Variants in AGAP1 observed in about 807,000 individuals in gnomAD.
AGAP1 encodes the protein ArfGAP with GTPase domain, ankyrin repeat and PH domain 1.
A neutral mutation model predicts 105.3 loss-of-function variants in AGAP1; 29 were observed. The observed-to-expected ratio is 0.28, with a 90% confidence interval of 0.21 to 0.38. The LOEUF (loss-of-function observed/expected upper bound fraction) is 0.38, where lower values mean the gene tolerates loss of function less well. AGAP1 is among the 10% of genes least tolerant of loss of function. AGAP1 has a pLI of 1.00. For missense variants in AGAP1, 998 were observed against 1,165.1 expected, an observed-to-expected ratio of 0.86 and a Z score of 2.09; for synonymous variants, 509 against 485.9, an observed-to-expected ratio of 1.05 and a Z score of -0.63.
intron 1 of AGAP1, among the ~76,000 whole-genome samples, chr2:235,558,077 C>T (rs1359358268): frequency 6.6e-6 from 1 of 152,102 alleles, no homozygotes; most frequent in African/African-American, 2.4e-5. Flanking sequence ...TGTGGAGAAG[C>T]GGGATGGCGA....
At chr2:235,562,018 A>G (rs950057364) in intron 1 of AGAP1, among the ~76,000 whole-genome samples, 14 of 152,198 alleles carry the variant, frequency 9.2e-5, no homozygotes, top group Admixed American at 3.3e-4. Flanking sequence ...AATAGCAAAA[A>G]CACACATCTT....
chr2:235,799,103 T>C lies in AGAP1; in HGVS notation c.802-264T>C, dbSNP rs1283905552. 6.6e-6 allele frequency among the ~76,000 whole-genome samples: 1 copy of C among 152,178 alleles called. No homozygotes were observed. The highest frequency in any genetic ancestry group is 2.4e-5 in the African/African-American group (1 of 41,438). ...AATCAAATTTGAACTCTCAGAAATC[T>C]TTTAAGTTAAATGAAAGAGACTTCT... is the stretch of plus-strand genomic sequence containing the variant. On this transcript the variant is annotated intron_variant, in intron 7 of 17. Coordinates refer to ENST00000304032, the MANE Select transcript of AGAP1 (RefSeq NM_001037131.3). This position sits in a 1 kb window ranked among gnomAD's most constrained non-coding sequence, Gnocchi z 5.0.
rs1358558729 is a variant in AGAP1, at chr2:236,083,502, C to T, written c.2114+34221C>T. ...TGATTCTTCTATTATTTTGAAGAGC[C>T]TGTTTATTTTCCAGCAGTTACCAGC... On this transcript the variant is annotated intron_variant, in intron 16 of 17. Coordinates refer to ENST00000304032, the MANE Select transcript of AGAP1 (RefSeq NM_001037131.3). This position sits in a 1 kb window ranked among gnomAD's most constrained non-coding sequence, Gnocchi z 5.3. Among the ~76,000 whole-genome samples, 1 of 152,118 alleles carries T rather than the reference C, an allele frequency of 6.6e-6. No homozygotes were observed. The highest frequency in any genetic ancestry group is 1.5e-5 in the Non-Finnish European group (1 of 68,008).
Position 235,799,061 on chromosome 2 carries a change from C to T in AGAP1, c.802-306C>T, listed in dbSNP as rs1957373519. Among the ~76,000 whole-genome samples the T allele has an allele frequency of 2.0e-5, 3 of 152,024 alleles. No homozygotes were observed. In the South Asian group the frequency reaches 6.2e-4, roughly 32 times the overall value. On this transcript the variant is annotated intron_variant, in intron 7 of 17. Transcript: ENST00000304032. The surrounding 1 kb of genome is among the most constrained non-coding windows in gnomAD (Gnocchi z 5.0). Reference sequence around the variant, plus strand: ...TAGTTTAACCAACCCCTTTCATTTTCAGAGGAAAGAGAAAATAATCAAATT... The same window carrying T: ...TAGTTTAACCAACCCCTTTCATTTTTAGAGGAAAGAGAAAATAATCAAATT...
In AGAP1 at chr2:235,838,363, G is replaced by T. The variant is rs1960412425; in HGVS notation, c.1050+31032G>T. On this transcript the variant is annotated intron_variant, in intron 9 of 17. Transcript: ENST00000304032. ...TGCCTCCAAAGTGATTTTGCTAAAAGTATGTGTATATACAGTTTCTGTAAC... is the reference window on the plus strand; with the variant it reads ...TGCCTCCAAAGTGATTTTGCTAAAATTATGTGTATATACAGTTTCTGTAAC... Among the ~76,000 whole-genome samples, 2 of 152,226 alleles carry T rather than the reference G, an allele frequency of 1.3e-5. 1 individual carries two copies. Among genetic ancestry groups the T allele is most frequent in the Non-Finnish European group, 2.9e-5 (2 of 68,044 alleles).
At chr2:235,943,775 G>T (rs916402213) in intron 12 of AGAP1, among the ~76,000 whole-genome samples, 1 of 152,228 alleles carries the variant, frequency 6.6e-6, no homozygotes, top group African/African-American at 2.4e-5. Flanking sequence ...TCGAGAGACA[G>T]CCAGAGATGG....
rs139647123 is a variant in AGAP1 at position 236,038,261 on chromosome 2, C to T, written c.1800+1546C>T. On this transcript the variant is annotated intron_variant, in intron 14 of 17. Coordinates refer to ENST00000304032, the MANE Select transcript of AGAP1 (RefSeq NM_001037131.3). This position sits in a 1 kb window ranked among gnomAD's most constrained non-coding sequence, Gnocchi z 4.5. Reference sequence around the variant, plus strand: ...GCACACAGCATCCTCCAAGCGTGGGCAGCTCATTCTGAGAAGGAAGGCAGG... The same window carrying T: ...GCACACAGCATCCTCCAAGCGTGGGTAGCTCATTCTGAGAAGGAAGGCAGG... Among the ~76,000 whole-genome samples the T allele has an allele frequency of 2.1e-3, 322 of 152,310 alleles. No individual in the cohort carries two copies. Among genetic ancestry groups the T allele is most frequent in the Non-Finnish European group, 3.1e-3 (211 of 68,028 alleles).
intron 12 of AGAP1, among the ~76,000 whole-genome samples, chr2:235,950,644 G>C (rs1260316251): frequency 2.0e-5 from 3 of 152,066 alleles, no homozygotes; most frequent in South Asian, 4.1e-4. Flanking sequence ...CCAGGATTCT[G>C]CTTCCTGCCG....
rs192640077 is a variant in AGAP1, at chr2:235,752,518, C to T, written c.673+2030C>T. Among the ~76,000 whole-genome samples the T allele has an allele frequency of 2.8e-3, 424 of 152,214 alleles. 3 individuals are homozygous for T. The highest frequency in any genetic ancestry group is 4.8e-3 in the Non-Finnish European group (326 of 68,004). On this transcript the variant is annotated intron_variant, in intron 6 of 17. Transcript: ENST00000304032. The surrounding 1 kb of genome is among the most constrained non-coding windows in gnomAD (Gnocchi z 4.3). The stretch of plus-strand genomic sequence containing the variant: ...CATGACGCAGAGCCACGCTTTGTGT[C>T]GATGGGCTGCAGCGGGTTTGGGCCC...
Position 235,794,632 on chromosome 2 carries a change from C to T in AGAP1, c.674-3127C>T, listed in dbSNP as rs1961938. 6.3e-3 allele frequency among the ~76,000 whole-genome samples: 959 copies of T among 152,250 alleles called. 12 individuals are homozygous for T. The highest frequency in any genetic ancestry group is 0.022 in the African/African-American group (897 of 41,532). On this transcript the variant is annotated intron_variant, in intron 6 of 17. Coordinates refer to ENST00000304032, the MANE Select transcript of AGAP1 (RefSeq NM_001037131.3). ...GATTACAGGCATGCGCCACCACATC[C>T]GGCTAATTTTTGTATTTTTAGTAGA...
intron 9 of AGAP1, among the ~76,000 whole-genome samples, chr2:235,871,471 C>T (rs1037963544): frequency 6.6e-5 from 10 of 152,164 alleles, no homozygotes; most frequent in Non-Finnish European, 1.0e-4. Context: ...CCTGTTCTGC[C>T]GGCCCCATTT....
At chr2:235,903,215 A>G (rs2051147714) in intron 10 of AGAP1, among the ~76,000 whole-genome samples, 1 of 152,228 alleles carries the variant, frequency 6.6e-6, no homozygotes, top group African/African-American at 2.4e-5. Flanking sequence ...GAATTGGAAC[A>G]GATTGCCACT....
chr2:236,087,595 G>GA lies in AGAP1; in HGVS notation c.2115-32595dup, dbSNP rs1192459884. On this transcript the variant is annotated intron_variant, in intron 16 of 17. Transcript: ENST00000304032. This position sits in a 1 kb window ranked among gnomAD's most constrained non-coding sequence, Gnocchi z 5.7. ...CCACCTCTGACTAGTTTGATGTTCT[G>GA]AATCAGGCCCCTTGGTTAAGCGTGA... Among the ~76,000 whole-genome samples, 2 of 152,110 alleles carry GA rather than the reference G, an allele frequency of 1.3e-5. No individual in the cohort carries two copies. Among genetic ancestry groups the GA allele is most frequent in the African/African-American group, 4.8e-5 (2 of 41,424 alleles).
intron 16 of AGAP1, among the ~76,000 whole-genome samples, chr2:236,094,239 G>A (rs1473244532): frequency 1.3e-5 from 2 of 151,252 alleles, no homozygotes; most frequent in Non-Finnish European, 2.9e-5. Flanking sequence ...AGGATTGCTC[G>A]AGCCCAGGAT....
chr2:235,794,530 G>A (rs1247100793), intron 6 of AGAP1, among the ~76,000 whole-genome samples: 4 of 152,138 alleles, frequency 2.6e-5, no homozygotes, highest in South Asian at 2.1e-4. Context: ...GGAGTGCAGT[G>A]GCATGATCTT....
In AGAP1 at chr2:235,979,973, AAG is replaced by A. The variant is rs2055021510; in HGVS notation, c.1645+11356_1645+11357del. 3.3e-5 allele frequency among the ~76,000 whole-genome samples: 5 copies of A among 152,314 alleles called. No homozygotes were observed. In the South Asian group the frequency reaches 8.3e-4, roughly 25 times the overall value. On this transcript the variant is annotated intron_variant, in intron 13 of 17. Transcript: ENST00000304032. This position sits in a 1 kb window ranked among gnomAD's most constrained non-coding sequence, Gnocchi z 4.5. The stretch of plus-strand genomic sequence containing the variant: ...TCTGCATGCAGTAAAATACAAAAAA[AAG>A]AGAGATAGAGAAAGCAGGGGAGCTT...
At chr2:235,541,404 T>C (rs1943432552) in intron 1 of AGAP1, among the ~76,000 whole-genome samples, 1 of 128,832 alleles carries the variant, frequency 7.8e-6, no homozygotes, top group Non-Finnish European at 1.6e-5. Flanking sequence ...TTTTTTTTTT[T>C]TGAGACGAAG....
In AGAP1 at chr2:235,888,205, G is replaced by T. The variant is rs1462531264; in HGVS notation, c.1155+4756G>T. On this transcript the variant is annotated intron_variant, in intron 10 of 17. Transcript: ENST00000304032. This position sits in a 1 kb window ranked among gnomAD's most constrained non-coding sequence, Gnocchi z 4.8. ...GCCAATGTGGTTATGGGCAGGGGGC[G>T]GGGGAGCGGGTAGTTCAGGAGGATC... Among the ~76,000 whole-genome samples, 3 of 152,150 alleles carry T rather than the reference G, an allele frequency of 2.0e-5. No homozygotes were observed. The highest frequency in any genetic ancestry group is 7.2e-5 in the African/African-American group (3 of 41,436).
rs151337091 is a variant in AGAP1 at position 235,942,443 on chromosome 2, C to T, written c.1483+11520C>T. ...CTGTAATCCCAGCACTTTGGGAGGC[C>T]GAGACGGGCGGATCACCTGAGGTTG... On this transcript the variant is annotated intron_variant, in intron 12 of 17. Transcript: ENST00000304032. Among the ~76,000 whole-genome samples the T allele has an allele frequency of 3.9e-5, 6 of 152,142 alleles. No homozygotes were observed. The East Asian group carries it at 1.2e-3, about 29-fold the overall frequency.
Sources: allele counts gnomAD v4.1 joint callset (sites outside exome capture counted in the v4.1 genomes callset), GRCh38; gene constraint gnomAD v4.1.1; non-coding constraint Gnocchi (gnomAD v3.1); transcripts MANE v1.5; gene names NCBI Gene and HGNC (gene_info 2026-07-23, HGNC 2026-07-21).